The following SLC6A7 variants were observed in gnomAD, a reference collection of about 807,000 sequenced individuals.
SLC6A7 encodes sodium-dependent proline transporter.
A neutral mutation model predicts 73.1 loss-of-function variants in SLC6A7; 58 were observed. The ratio of observed to expected loss-of-function variants is 0.79; its 90% CI spans 0.64 to 0.99. The LOEUF (loss-of-function observed/expected upper bound fraction) is 0.99, where lower values mean the gene tolerates loss of function less well. Ranked by LOEUF, SLC6A7 falls within the 50% of genes least tolerant of loss-of-function variation. The pLI is 0.00. For missense variants in SLC6A7, 783 were observed against 831.4 expected (o/e 0.94, Z 0.72); for synonymous variants, 338 against 338.7 (o/e 1.00, Z 0.02).
chr5:150,196,902 G>A, intron 3 of SLC6A7, 55 bp downstream of exon 3: 2 of 1,581,274 alleles, frequency 1.3e-6, no homozygotes, highest in Middle Eastern at 1.7e-4. Context: ...GGGGAGGCAG[G>A]GAGGTTGCCC....
intron 4 of SLC6A7, among the ~76,000 whole-genome samples, chr5:150,197,870 G>C (rs1004089401): frequency 2.6e-5 from 4 of 152,086 alleles, no homozygotes; most frequent in African/African-American, 9.7e-5. Context: ...GTAAGGGACT[G>C]TCATCAGAAT....
intron 1 of SLC6A7, among the ~76,000 whole-genome samples, chr5:150,194,383 T>C (rs7727022): frequency 0.58 from 86,924 of 150,126 alleles, 26,270 homozygotes; most frequent in African/African-American, 0.76. Context: ...GTGCTGAGGT[T>C]GTACCACTGC....
Position 150,204,621 on chromosome 5 carries a change from A to T in SLC6A7, c.1422A>T (p.Thr474=). The change falls in exon 11 of 14, where the codon ACA becomes ACT. Residue 474 remains threonine (T), a synonymous_variant. Coordinates refer to ENST00000230671, the MANE Select transcript of SLC6A7 (RefSeq NM_014228.5). The part of the protein sequence containing the change: ...VVVITTCLAV[T]RVYGIQRFCR... ...TTATCACCACGTGCCTTGCCGTGAC[A>T]CGGGTGTATGGTGAGAAGAGCCGTG... 2 of 1,610,620 alleles carry T rather than the reference A, an allele frequency of 1.2e-6. No homozygotes were observed. Among genetic ancestry groups the T allele is most frequent in the Non-Finnish European group, 1.7e-6 (2 of 1,176,786 alleles).
chr5:150,201,310 A>AGCTCCCT, intron 6 of SLC6A7, 87 bp downstream of exon 6: 1 of 950,094 alleles, frequency 1.1e-6, no homozygotes, highest in Non-Finnish European at 1.5e-6. Context: ...CCGCAGTACC[A>AGCTCCCT]GGCACTCTGC....
chr5:150,192,988 G>A (rs894194403), intron 1 of SLC6A7, among the ~76,000 whole-genome samples: 8 of 152,180 alleles, frequency 5.3e-5, no homozygotes, highest in African/African-American at 1.9e-4. Flanking sequence ...CAGGGAACGG[G>A]GCATTGGAGG....
chr5:150,206,495 C>A (rs1264611824), intron 13 of SLC6A7, among the ~76,000 whole-genome samples: 1 of 152,208 alleles, frequency 6.6e-6, no homozygotes, highest in Non-Finnish European at 1.5e-5. Context: ...CCTTGCACCC[C>A]ACCCCACAGT....
At chr5:150,193,892 T>A (rs1461756271) in intron 1 of SLC6A7, among the ~76,000 whole-genome samples, 1 of 152,142 alleles carries the variant, frequency 6.6e-6, no homozygotes, top group Admixed American at 6.5e-5. Context: ...CAGACCTAGT[T>A]CTTCCACTCA....
chr5:150,209,015 A>G (rs550230461), intron 13 of SLC6A7, among the ~76,000 whole-genome samples: 29 of 152,310 alleles, frequency 1.9e-4, no homozygotes, highest in African/African-American at 5.8e-4. Context: ...CACTCTGAGG[A>G]GGGGCCCGCC....
chr5:150,201,076 T>C lies in SLC6A7; in HGVS notation c.724-13T>C, dbSNP rs1753353267. The C allele has an allele frequency of 6.2e-7, 1 of 1,613,192 alleles. No individual in the cohort carries two copies. The highest frequency in any genetic ancestry group is 2.2e-5 in the East Asian group (1 of 44,766). ...TCCCCGATGCCATCAGCTCCTCACTTATCATCTCTCAGGTGGTGTATTTCA... is the reference window on the plus strand; with the variant it reads ...TCCCCGATGCCATCAGCTCCTCACTCATCATCTCTCAGGTGGTGTATTTCA... On this transcript the variant is annotated splice_polypyrimidine_tract_variant and intron_variant, in intron 5 of 13. Coordinates refer to ENST00000230671, the MANE Select transcript of SLC6A7 (RefSeq NM_014228.5).
intron 4 of SLC6A7, among the ~76,000 whole-genome samples, chr5:150,198,451 G>T (rs1439876990): frequency 6.6e-6 from 1 of 152,232 alleles, no homozygotes; most frequent in Admixed American, 6.5e-5. Flanking sequence ...ACCTGCTGAA[G>T]AGTTTATCTG....
At position 150,203,990 on chromosome 5, in the gene SLC6A7, G is replaced by C. The variant is rs529971573; in HGVS notation, c.1284G>C (p.Gly428=). Residue 428 remains glycine, a synonymous_variant, in exon 10 of 14, where the codon GGG becomes GGC. Transcript: ENST00000230671. ...GGCCCAAGAAGGCGGTGTTCTCAGGGCTCATCTGCGTGGCCATGTACCTGA... is the reference window on the plus strand; with the variant it reads ...GGCCCAAGAAGGCGGTGTTCTCAGGCCTCATCTGCGTGGCCATGTACCTGA... The part of the protein sequence containing the change: ...YLRPKKAVFS[G]LICVAMYLMG... 6.2e-6 allele frequency: 10 copies of C among 1,613,764 alleles called. No individual in the cohort carries two copies. In the Admixed American group the frequency reaches 6.7e-5, roughly 11 times the overall value.
At position 150,205,440 on chromosome 5, in the gene SLC6A7, AGT is replaced by A. The variant is rs772283684; in HGVS notation, c.1534-15_1534-14del. 1 of 1,575,154 alleles carries A rather than the reference AGT, an allele frequency of 6.3e-7. No individual in the cohort carries two copies. Among genetic ancestry groups the A allele is most frequent in the South Asian group, 1.2e-5 (1 of 84,918 alleles). On this transcript the variant is annotated splice_polypyrimidine_tract_variant and intron_variant, in intron 12 of 13. Coordinates refer to ENST00000230671, the MANE Select transcript of SLC6A7 (RefSeq NM_014228.5). Reference sequence around the variant, plus strand: ...GACAAAAGCCCGCAGTGATGCTGGGAGTCCCCACTCTGCAGGCCCTCATGGTG... The same window carrying A: ...GACAAAAGCCCGCAGTGATGCTGGGACCCCACTCTGCAGGCCCTCATGGTG...
chr5:150,208,367 T>A (rs185649867), intron 13 of SLC6A7, among the ~76,000 whole-genome samples: 2 of 152,100 alleles, frequency 1.3e-5, no homozygotes, highest in East Asian at 3.9e-4. Context: ...GCCCTGAGGC[T>A]GGGGGCTGGC....
At chr5:150,198,095 GAAAGAA>G in intron 4 of SLC6A7, among the ~76,000 whole-genome samples, 1 of 106,534 alleles carries the variant, frequency 9.4e-6, no homozygotes, top group South Asian at 2.9e-4. Context: ...AAGAAAGAAA[GAAAGAA>G]AGAAAGAAAG....
intron 13 of SLC6A7, among the ~76,000 whole-genome samples, chr5:150,208,855 G>C (rs1343228052): frequency 6.6e-6 from 1 of 152,224 alleles, no homozygotes; most frequent in Non-Finnish European, 1.5e-5. Flanking sequence ...GGAAAGGTCA[G>C]AGGCAGAAGG....
intron 1 of SLC6A7, among the ~76,000 whole-genome samples, chr5:150,190,938 A>G (rs995182519): frequency 2.6e-5 from 4 of 152,198 alleles, no homozygotes; most frequent in African/African-American, 9.6e-5. Context: ...TATCGGAGGC[A>G]GGAGGATATG....
At chr5:150,194,354 G>A (rs562169702) in intron 1 of SLC6A7, among the ~76,000 whole-genome samples, 3 of 151,918 alleles carry the variant, frequency 2.0e-5, no homozygotes, top group South Asian at 2.1e-4. Context: ...GCTTGAACCC[G>A]GGAGGTGGAG....
At chr5:150,191,677 G>A (rs557697703) in intron 1 of SLC6A7, among the ~76,000 whole-genome samples, 18 of 152,174 alleles carry the variant, frequency 1.2e-4, no homozygotes, top group East Asian at 7.8e-4. Context: ...TGATCCGCCC[G>A]CCTCGGCCTC....
intron 4 of SLC6A7, among the ~76,000 whole-genome samples, chr5:150,197,996 T>C (rs1351951464): frequency 6.7e-6 from 1 of 149,970 alleles, no homozygotes. Context: ...TGCCCCATTT[T>C]ATGGTCAATA....
Sources: allele counts gnomAD v4.1 joint callset (sites outside exome capture counted in the v4.1 genomes callset), GRCh38; gene constraint gnomAD v4.1.1; transcripts MANE v1.5; gene names NCBI Gene and HGNC (gene_info 2026-07-23, HGNC 2026-07-21).